Variants in OLA1 observed in about 807,000 individuals in gnomAD.
The protein encoded by OLA1 is obg-like ATPase 1.
Under a neutral mutation model 48.4 loss-of-function variants are expected in OLA1, and 14 were observed. The ratio of observed to expected loss-of-function variants is 0.29; its 90% CI spans 0.19 to 0.45. The LOEUF is 0.45. Ranked by LOEUF, OLA1 falls within the 20% of genes least tolerant of loss-of-function variation. The pLI is 1.00. For synonymous variants in OLA1, 127 were observed against 150.4 expected, an observed-to-expected ratio of 0.84 and a Z score of 1.14; for missense variants, 325 against 467.1, an observed-to-expected ratio of 0.70 and a Z score of 2.80.
At chr2:174,171,003 T>A (rs1394227545) in intron 4 of OLA1, among the ~76,000 whole-genome samples, 1 of 152,206 alleles carries the variant, frequency 6.6e-6, no homozygotes, top group African/African-American at 2.4e-5. Flanking sequence ...TAAATTGATT[T>A]CAAAATAAAA....
chr2:174,166,441 G>C (rs1006781771), intron 4 of OLA1, among the ~76,000 whole-genome samples: 1 of 152,142 alleles, frequency 6.6e-6, no homozygotes, highest in African/African-American at 2.4e-5. Flanking sequence ...GGGAGTCGCA[G>C]TACTGGTTCA....
chr2:174,081,866 A>G, intron 8 of OLA1, 58 bp downstream of exon 8: 1 of 1,538,058 alleles, frequency 6.5e-7, no homozygotes, highest in East Asian at 2.3e-5. Context: ...GCAAGCAATT[A>G]AATTACTGCA....
chr2:174,189,619 G>T (rs1032533278), intron 4 of OLA1, among the ~76,000 whole-genome samples: 1 of 152,106 alleles, frequency 6.6e-6, no homozygotes, highest in South Asian at 2.1e-4. Flanking sequence ...AAATATGCAG[G>T]TTTAACACAT....
At chr2:174,111,160 G>A (rs1685638921) in intron 7 of OLA1, among the ~76,000 whole-genome samples, 1 of 152,142 alleles carries the variant, frequency 6.6e-6, no homozygotes, top group Non-Finnish European at 1.5e-5. Flanking sequence ...TCTGACAGGT[G>A]AGGAAACCAA....
chr2:174,165,051 A>C (rs2105400496), intron 4 of OLA1, among the ~76,000 whole-genome samples: 1 of 152,350 alleles, frequency 6.6e-6, no homozygotes, highest in East Asian at 1.9e-4. Context: ...CCTTAGGGAA[A>C]GTTCTGAGTC....
At chr2:174,151,127 A>G (rs942924298) in intron 4 of OLA1, among the ~76,000 whole-genome samples, 11 of 152,198 alleles carry the variant, frequency 7.2e-5, no homozygotes, top group African/African-American at 2.7e-4. Flanking sequence ...TAGGGAGCCA[A>G]TCATGAGTCT....
At chr2:174,144,436 C>T (rs569813635) in intron 4 of OLA1, among the ~76,000 whole-genome samples, 56 of 152,102 alleles carry the variant, frequency 3.7e-4, no homozygotes, top group African/African-American at 1.3e-3. Flanking sequence ...CTAAGGCTAT[C>T]CTGTCAAATG....
At chr2:174,101,675 A>C (rs1462507604) in intron 7 of OLA1, among the ~76,000 whole-genome samples, 1 of 152,220 alleles carries the variant, frequency 6.6e-6, no homozygotes, top group East Asian at 1.9e-4. Flanking sequence ...AATGCCCTGC[A>C]TAGGAAAAGA....
chr2:174,246,881 C>A (rs560587049), intron 1 of OLA1, 66 bp from the exon 2 acceptor site: 184 of 850,234 alleles, frequency 2.2e-4, no homozygotes, highest in Non-Finnish European at 3.3e-4. Flanking sequence ...AAACACATTT[C>A]ATCACATACA....
chr2:174,227,260 A>G (rs576453247), intron 3 of OLA1, among the ~76,000 whole-genome samples: 1 of 152,308 alleles, frequency 6.6e-6, no homozygotes, highest in Non-Finnish European at 1.5e-5. Context: ...AGAAAAGAAA[A>G]GGAAAAAATA....
intron 2 of OLA1, among the ~76,000 whole-genome samples, chr2:174,236,418 T>C (rs1466225737): frequency 6.6e-6 from 1 of 152,062 alleles, no homozygotes; most frequent in Non-Finnish European, 1.5e-5. Flanking sequence ...ACACTGGACA[T>C]GATTAACAGA....
intron 7 of OLA1, among the ~76,000 whole-genome samples, chr2:174,093,227 G>A (rs1028124773): frequency 6.6e-6 from 1 of 152,110 alleles, no homozygotes; most frequent in Non-Finnish European, 1.5e-5. Context: ...TGGGAAGATG[G>A]CTTGGGCCCA....
chr2:174,189,251 A>G (rs2105421182), intron 4 of OLA1, among the ~76,000 whole-genome samples: 1 of 152,286 alleles, frequency 6.6e-6, no homozygotes, highest in South Asian at 2.1e-4. Context: ...GAAAGAAAAT[A>G]TAAGTGAATT....
intron 4 of OLA1, among the ~76,000 whole-genome samples, chr2:174,151,325 T>G (rs1686741361): frequency 6.6e-6 from 1 of 152,138 alleles, no homozygotes; most frequent in South Asian, 2.1e-4. Flanking sequence ...AGATAACCAC[T>G]CTTCTAAAAT....
At chr2:174,086,411 G>A (rs867823036) in intron 7 of OLA1, among the ~76,000 whole-genome samples, 7 of 152,094 alleles carry the variant, frequency 4.6e-5, no homozygotes, top group Middle Eastern at 3.4e-3. Context: ...CCATTTTTCC[G>A]ATGGGGATAT....
chr2:174,082,962 TA>T (rs973649536), intron 7 of OLA1, among the ~76,000 whole-genome samples: 16 of 152,052 alleles, frequency 1.1e-4, no homozygotes, highest in Non-Finnish European at 2.1e-4. Context: ...TCCTCACTTG[TA>T]AAAATAGAGA....
intron 2 of OLA1, among the ~76,000 whole-genome samples, chr2:174,245,706 C>G (rs528960899): frequency 6.6e-6 from 1 of 152,220 alleles, no homozygotes; most frequent in East Asian, 1.9e-4. Context: ...CCAGCCTGGC[C>G]AACATGGTAA....
At chr2:174,221,544 C>A (rs770164771) in intron 4 of OLA1, among the ~76,000 whole-genome samples, 1 of 152,096 alleles carries the variant, frequency 6.6e-6, no homozygotes, top group Non-Finnish European at 1.5e-5. Flanking sequence ...TTCTTTTCCA[C>A]CCATCAACTC....
At chr2:174,087,920 T>A (rs1243608530) in intron 7 of OLA1, among the ~76,000 whole-genome samples, 12 of 152,218 alleles carry the variant, frequency 7.9e-5, no homozygotes, top group Admixed American at 7.2e-4. Context: ...CTGATTTTTT[T>A]AATATCAAAG....
Sources: allele counts gnomAD v4.1 joint callset (sites outside exome capture counted in the v4.1 genomes callset), GRCh38; gene constraint gnomAD v4.1.1; transcripts MANE v1.5; gene names NCBI Gene and HGNC (gene_info 2026-07-23, HGNC 2026-07-21).